GABBR2: variants seen among roughly 807,000 people sequenced by gnomAD.
GABBR2 encodes G-protein coupled receptor 51.
In GABBR2, 23 loss-of-function variants were observed where a neutral mutation model predicts 105.6. The ratio of observed to expected loss-of-function variants is 0.22; its 90% CI spans 0.16 to 0.31. The LOEUF is 0.31. Among genes scored for constraint, GABBR2 ranks in the 10% least tolerant of loss-of-function variants. The probability of loss-of-function intolerance (pLI) is 1.00; values close to 1 mark genes in which losing one functional copy is unlikely to be tolerated. For missense variants in GABBR2, 734 were observed against 1,245.5 expected (o/e 0.59, Z 6.18); for synonymous variants, 478 against 499.7 (o/e 0.96, Z 0.58).
chr9:98,351,789 T>C (rs1588116649), intron 13 of GABBR2, among the ~76,000 whole-genome samples: 1 of 152,244 alleles, frequency 6.6e-6, no homozygotes, highest in African/African-American at 2.4e-5. Context: ...CTTAAGATCA[T>C]CATTTTGAAT....
At chr9:98,502,294 A>G (rs747478806) in intron 3 of GABBR2, among the ~76,000 whole-genome samples, 1 of 152,186 alleles carries the variant, frequency 6.6e-6, no homozygotes, top group Non-Finnish European at 1.5e-5. Context: ...GTGGGTCTGC[A>G]CTGTCCCATC....
chr9:98,363,898 A>G (rs1831631398), intron 12 of GABBR2, among the ~76,000 whole-genome samples: 1 of 151,800 alleles, frequency 6.6e-6, no homozygotes, highest in South Asian at 2.1e-4. Context: ...ATATCCCCTC[A>G]CTCTCCAGAA....
At position 98,668,107 on chromosome 9, in the gene GABBR2, G is replaced by A. The variant is rs1053186993; in HGVS notation, c.321+40310C>T. On this transcript the variant is annotated intron_variant, in intron 1 of 18. Coordinates refer to ENST00000259455, the MANE Select transcript of GABBR2 (RefSeq NM_005458.8). The stretch of plus-strand genomic sequence containing the variant: ...AGCAACAGCCTCAGTTGAAACCACA[G>A]TGGTGGTCCATCTCTGCCTCTGCCC... Among the ~76,000 whole-genome samples the A allele has an allele frequency of 2.6e-5, 4 of 152,228 alleles. No homozygotes were observed. The South Asian group carries it at 8.3e-4, about 31-fold the overall frequency.
At chr9:98,649,788 T>C (rs1484340972) in intron 1 of GABBR2, among the ~76,000 whole-genome samples, 1 of 152,204 alleles carries the variant, frequency 6.6e-6, no homozygotes, top group Non-Finnish European at 1.5e-5. Context: ...TTCAAAAATA[T>C]GTACAAACTT....
intron 2 of GABBR2, among the ~76,000 whole-genome samples, chr9:98,572,273 C>G (rs1366883062): frequency 6.6e-6 from 1 of 152,202 alleles, no homozygotes; most frequent in African/African-American, 2.4e-5. Flanking sequence ...TCAAGAGGCC[C>G]AGCAAAAGGC....
At chr9:98,646,484 G>C (rs80184134) in intron 1 of GABBR2, among the ~76,000 whole-genome samples, 1 of 152,058 alleles carries the variant, frequency 6.6e-6, no homozygotes, top group South Asian at 2.1e-4. Flanking sequence ...TTCCCTTTGC[G>C]GATTCTGCTT....
At chr9:98,455,456 C>G (rs971593496) in intron 6 of GABBR2, among the ~76,000 whole-genome samples, 1 of 152,158 alleles carries the variant, frequency 6.6e-6, no homozygotes, top group Non-Finnish European at 1.5e-5. Context: ...TCAGTTTATA[C>G]TGAGAAGGGC....
chr9:98,524,491 A>G (rs573984999), intron 3 of GABBR2, among the ~76,000 whole-genome samples: 9 of 152,378 alleles, frequency 5.9e-5, no homozygotes, highest in Admixed American at 5.9e-4. Flanking sequence ...CCAATAGCCT[A>G]TTCAACCTCT....
chr9:98,414,838 T>C (rs929939036), intron 7 of GABBR2, among the ~76,000 whole-genome samples: 3 of 152,070 alleles, frequency 2.0e-5, no homozygotes, highest in Non-Finnish European at 4.4e-5. Flanking sequence ...TTTTCCCCCC[T>C]GTCAACCAGA....
At chr9:98,428,398 C>A (rs1321660695) in intron 7 of GABBR2, among the ~76,000 whole-genome samples, 1 of 152,176 alleles carries the variant, frequency 6.6e-6, no homozygotes, top group African/African-American at 2.4e-5. Context: ...AAAGGCTGCA[C>A]CTGACCAATC....
At chr9:98,434,288 A>G (rs4742729) in intron 7 of GABBR2, among the ~76,000 whole-genome samples, 28,429 of 152,054 alleles carry the variant, frequency 0.19, 3,034 homozygotes, top group East Asian at 0.38. Flanking sequence ...TTTTGATCAT[A>G]TGAGTCAATA....
chr9:98,315,812 G>A (rs1005687621), intron 13 of GABBR2, among the ~76,000 whole-genome samples: 2 of 152,216 alleles, frequency 1.3e-5, no homozygotes, highest in Admixed American at 6.5e-5. Flanking sequence ...CGGTGGGGCC[G>A]GAAACGGTGA....
At chr9:98,703,348 T>C (rs1286052525) in intron 1 of GABBR2, among the ~76,000 whole-genome samples, 2 of 152,208 alleles carry the variant, frequency 1.3e-5, no homozygotes, top group Non-Finnish European at 2.9e-5. Flanking sequence ...CCTGTTAAAG[T>C]TGGCTTTCTG....
At chr9:98,355,604 G>A (rs764064182) in intron 13 of GABBR2, among the ~76,000 whole-genome samples, 7 of 152,120 alleles carry the variant, frequency 4.6e-5, no homozygotes, top group Non-Finnish European at 8.8e-5. Context: ...AATATTTCAC[G>A]TTCATAGATC....
chr9:98,399,065 TC>T (rs1832343081), intron 8 of GABBR2, among the ~76,000 whole-genome samples: 1 of 152,058 alleles, frequency 6.6e-6, no homozygotes, highest in African/African-American at 2.4e-5. Context: ...CCTTCAGAAT[TC>T]ATCTTGGGGC....
intron 1 of GABBR2, among the ~76,000 whole-genome samples, chr9:98,611,002 A>G (rs949759592): frequency 6.6e-6 from 1 of 151,930 alleles, no homozygotes; most frequent in Non-Finnish European, 1.5e-5. Flanking sequence ...AACAAAAACG[A>G]ACAAACAAAA....
intron 1 of GABBR2, among the ~76,000 whole-genome samples, chr9:98,593,952 T>A (rs759197304): frequency 6.6e-6 from 1 of 152,196 alleles, no homozygotes. Context: ...ATCACTGTGA[T>A]GAGGGACTCT....
chr9:98,426,736 G>T (rs1272793501), intron 7 of GABBR2, among the ~76,000 whole-genome samples: 2 of 152,180 alleles, frequency 1.3e-5, no homozygotes, highest in Non-Finnish European at 2.9e-5. Context: ...GGTGGCTCAT[G>T]CTGTAATTCT....
chr9:98,586,093 A>G (rs1274031990), intron 1 of GABBR2, among the ~76,000 whole-genome samples: 4 of 152,116 alleles, frequency 2.6e-5, no homozygotes, highest in Non-Finnish European at 5.9e-5. Context: ...GCTGTGAAAT[A>G]TTTCACTCAC....
Sources: allele counts gnomAD v4.1 joint callset (sites outside exome capture counted in the v4.1 genomes callset), GRCh38; gene constraint gnomAD v4.1.1; transcripts MANE v1.5; gene names NCBI Gene and HGNC (gene_info 2026-07-23, HGNC 2026-07-21).